CEMIP: variants seen among roughly 807,000 people sequenced by gnomAD.
CEMIP encodes the protein cell migration-inducing and hyaluronan-binding protein.
In CEMIP, 105 loss-of-function variants were observed where a neutral mutation model predicts 156.9. The observed-to-expected ratio is 0.67, with a 90% CI of 0.57 to 0.79. The LOEUF is 0.79. CEMIP is among the 30% of genes least tolerant of loss of function. The probability of loss-of-function intolerance (pLI) is 0.00; values close to 1 mark genes in which losing one functional copy is unlikely to be tolerated. For synonymous variants in CEMIP, 676 were observed against 668.4 expected, an observed-to-expected ratio of 1.01 and a Z score of -0.17; for missense variants, 1,457 against 1,769.4, an observed-to-expected ratio of 0.82 and a Z score of 3.17.
At chr15:80,841,487 T>A (rs1013154021) in intron 1 of CEMIP, among the ~76,000 whole-genome samples, 4 of 152,256 alleles carry the variant, frequency 2.6e-5, no homozygotes, top group African/African-American at 9.6e-5. Context: ...CCGTCCACTC[T>A]GTTGGTACAG....
rs189164296 is a variant in CEMIP at position 80,905,548 on chromosome 15, T to C, written c.1412-1115T>C. Among the ~76,000 whole-genome samples, 30 of 151,670 alleles carry C rather than the reference T, an allele frequency of 2.0e-4. No homozygotes were observed. The East Asian group carries it at 5.2e-3, about 27-fold the overall frequency. ...GGACTGCATTTGGCAAGAGATTGAG[T>C]GGAGTGATGGGAGGGAGAGAATGGA... is the stretch of plus-strand genomic sequence containing the variant. On this transcript the variant is annotated intron_variant, in intron 12 of 29. Transcript: ENST00000394685.
intron 1 of CEMIP, among the ~76,000 whole-genome samples, chr15:80,825,104 C>A (rs1253894120): frequency 6.6e-6 from 1 of 152,210 alleles, no homozygotes; most frequent in Non-Finnish European, 1.5e-5. Flanking sequence ...CCCCAGCCTG[C>A]TCACATCTTA....
chr15:80,942,155 G>C, intron 26 of CEMIP, 96 bp from the exon 27 acceptor site: 1 of 1,490,212 alleles, frequency 6.7e-7, no homozygotes, highest in Non-Finnish European at 9.4e-7. Context: ...CCCTCACTCA[G>C]CTCCATAAAC....
intron 1 of CEMIP, among the ~76,000 whole-genome samples, chr15:80,806,320 C>T (rs1896512922): frequency 7.8e-6 from 1 of 128,664 alleles, no homozygotes; most frequent in Non-Finnish European, 1.8e-5. Flanking sequence ...ATTACAAGGG[C>T]TTATCCAGTT....
At chr15:80,935,213 G>A (rs145719535) in intron 23 of CEMIP, among the ~76,000 whole-genome samples, 15 of 152,258 alleles carry the variant, frequency 9.9e-5, no homozygotes, top group Non-Finnish European at 2.1e-4. Context: ...GATAAGAAGG[G>A]AAGTGGGGTC....
At chr15:80,870,441 T>C (rs915423833) in intron 1 of CEMIP, among the ~76,000 whole-genome samples, 7 of 152,146 alleles carry the variant, frequency 4.6e-5, no homozygotes, top group African/African-American at 1.7e-4. Context: ...CCCCATGAGG[T>C]TGAGGATGCC....
Position 80,932,013 on chromosome 15 carries a change from A to T in CEMIP, c.2767A>T (p.Thr923Ser). 2.5e-6 allele frequency: 4 copies of T among 1,614,052 alleles called. No homozygotes were observed. The highest frequency in any genetic ancestry group is 3.4e-6 in the Non-Finnish European group (4 of 1,180,036). ...AWQSCPHNNVTGIAFEDVPIT... is the reference protein window; with the variant it reads ...AWQSCPHNNVSGIAFEDVPIT... Reference sequence around the variant, plus strand: ...GCAGAGCTGCCCCCATAACAACGTGACCGGCATTGCCTTTGAGGACGTTCC... The same window carrying T: ...GCAGAGCTGCCCCCATAACAACGTGTCCGGCATTGCCTTTGAGGACGTTCC... The change falls in exon 22 of 30, where the codon ACC (threonine) becomes TCC (serine). Residue 923 changes from threonine to serine, a missense_variant. Physicochemically the swap from Thr to Ser is moderately conservative, Grantham distance 58 (BLOSUM62 1). Coordinates refer to ENST00000394685, the MANE Select transcript of CEMIP (RefSeq NM_001293298.2). This position sits in a 1 kb window ranked among gnomAD's most constrained non-coding sequence, Gnocchi z 4.5.
Position 80,948,871 on chromosome 15 carries a change from G to A in CEMIP, c.4033G>A (p.Ala1345Thr). Residue 1345 changes from alanine to threonine, a missense_variant, in exon 30 of 30, where the codon GCC becomes ACC. Around this residue, in one of 5 missense-constraint regions of CEMIP, gnomAD observed 798 missense variants for 980.1 expected, o/e 0.81. Coordinates refer to ENST00000394685, the MANE Select transcript of CEMIP (RefSeq NM_001293298.2). ...WVTLDTEDHK[A>T]KIFQVVPIPV... ...GACACTGGACACTGAGGATCACAAA[G>A]CCAAAATCTTCCAAGTTGTGCCCAT... The A allele has an allele frequency of 6.2e-7, 1 of 1,614,220 alleles. No homozygotes were observed. The highest frequency in any genetic ancestry group is 2.2e-5 in the East Asian group (1 of 44,870).
intron 1 of CEMIP, among the ~76,000 whole-genome samples, chr15:80,846,159 T>C (rs571251288): frequency 2.6e-5 from 4 of 152,284 alleles, no homozygotes; most frequent in African/African-American, 9.6e-5. Context: ...TGGAATACTT[T>C]CTATCTAACC....
chr15:80,867,244 C>G (rs1009855873), intron 1 of CEMIP, among the ~76,000 whole-genome samples: 2 of 152,156 alleles, frequency 1.3e-5, no homozygotes, highest in African/African-American at 2.4e-5. Context: ...AAGTCCCCTC[C>G]CCTACACTGA....
intron 12 of CEMIP, among the ~76,000 whole-genome samples, chr15:80,901,355 G>A (rs1167000708): frequency 6.6e-6 from 1 of 152,002 alleles, no homozygotes. Flanking sequence ...CAATATGGTG[G>A]CCACGAGCCA....
Position 80,941,879 on chromosome 15 carries a change from C to T in CEMIP, c.3438C>T (p.Asn1146=), listed in dbSNP as rs537667306. 1.4e-5 allele frequency: 22 copies of T among 1,613,622 alleles called. No individual in the cohort carries two copies. In the African/African-American group the frequency reaches 2.3e-4, roughly 17 times the overall value. Residue 1146 remains asparagine, a synonymous_variant, in exon 26 of 30, where the codon AAC becomes AAT. Coordinates refer to ENST00000394685, the MANE Select transcript of CEMIP (RefSeq NM_001293298.2). ...GLLFLKLKAQ[N]EREKFAFCSM... is the part of the protein sequence containing the mutation. ...TGTTCCTGAAGCTGAAAGCTCAGAA[C>T]GAGAGAGAGAAGTTTGCTTTCTGCT...
At chr15:80,861,561 G>A (rs1897988411) in intron 1 of CEMIP, among the ~76,000 whole-genome samples, 2 of 152,308 alleles carry the variant, frequency 1.3e-5, no homozygotes, top group South Asian at 4.1e-4. Flanking sequence ...CCAGTGGGGA[G>A]AATGGGGAAA....
Position 80,906,574 on chromosome 15 carries a change from C to A in CEMIP, c.1412-89C>A. ...CACACCAGGCATGGCGATGAGTAAG[C>A]AGCAGCCATGGAGGCACCTGGCAGG... On this transcript the variant is annotated intron_variant, in intron 12 of 29. Transcript: ENST00000394685. The surrounding 1 kb of genome is among the most constrained non-coding windows in gnomAD (Gnocchi z 4.3). 1 of 1,310,910 alleles carries A rather than the reference C, an allele frequency of 7.6e-7. No individual in the cohort carries two copies. Among genetic ancestry groups the A allele is most frequent in the Non-Finnish European group, 1.1e-6 (1 of 930,430 alleles). The allele number at this position is 1,310,910 out of a possible 1,614,324, so 81.2% of individuals were successfully genotyped here. A position where few individuals can be genotyped will look rare whatever the true frequency, so the allele number is the denominator to read the frequency against.
chr15:80,928,967 T>C, intron 20 of CEMIP, 30 bp downstream of exon 20: 2 of 1,614,248 alleles, frequency 1.2e-6, no homozygotes, highest in Non-Finnish European at 1.7e-6. Flanking sequence ...TACTTGGTCC[T>C]CTGTGGGATC....
intron 14 of CEMIP, among the ~76,000 whole-genome samples, chr15:80,913,016 C>T (rs1307478181): frequency 1.3e-5 from 2 of 151,946 alleles, no homozygotes; most frequent in East Asian, 1.9e-4. Flanking sequence ...GATACTGGCT[C>T]GGGAGAAAGA....
intron 19 of CEMIP, among the ~76,000 whole-genome samples, chr15:80,928,108 G>A (rs528659474): frequency 6.6e-6 from 1 of 152,266 alleles, no homozygotes; most frequent in South Asian, 2.1e-4. Flanking sequence ...ACTTTGAGAT[G>A]AGCCTGGCAG....
intron 14 of CEMIP, among the ~76,000 whole-genome samples, chr15:80,917,691 C>T (rs1388082686): frequency 6.6e-5 from 10 of 152,202 alleles, no homozygotes; most frequent in Admixed American, 6.5e-4. Context: ...AACAGAGCTA[C>T]TTGCTTGTAT....
At chr15:80,868,124 G>C (rs535853048) in intron 1 of CEMIP, among the ~76,000 whole-genome samples, 11 of 152,196 alleles carry the variant, frequency 7.2e-5, no homozygotes, top group Admixed American at 3.3e-4. Context: ...CAGGAGCCAC[G>C]GCATGGATTT....
Sources: gnomAD v4.1 joint callset for allele counts (sites outside exome capture counted in the v4.1 genomes callset) on GRCh38, gnomAD v4.1.1 for gene constraint, gnomAD v4.1.1 regional missense constraint, Gnocchi (gnomAD v3.1) non-coding constraint, MANE v1.5 for transcripts, NCBI Gene and HGNC (gene_info 2026-07-23, HGNC 2026-07-21) for gene names.